Variants in SERPINB11 observed in about 807,000 individuals in gnomAD.
SERPINB11 encodes the protein serpin family B member 11.
Under a neutral mutation model 36.7 loss-of-function variants are expected in SERPINB11, and 32 were observed. The observed-to-expected ratio is 0.87, with a 90% CI of 0.66 to 1.17. The LOEUF is 1.17. Ranked by LOEUF, SERPINB11 falls within the 50% of genes most tolerant of loss-of-function variation. The probability of loss-of-function intolerance (pLI) is 0.00; values close to 1 mark genes in which losing one functional copy is unlikely to be tolerated. For synonymous variants in SERPINB11, 174 were observed against 168.1 expected, an observed-to-expected ratio of 1.04 and a Z score of -0.27; for missense variants, 528 against 458.4, an observed-to-expected ratio of 1.15 and a Z score of -1.39.
At chr18:63,722,508 A>C (rs1285798942) in intron 7 of SERPINB11, among the ~76,000 whole-genome samples, 2 of 152,214 alleles carry the variant, frequency 1.3e-5, no homozygotes, top group Non-Finnish European at 2.9e-5. Context: ...GTTCAGCTTC[A>C]GGAGCAGCTA....
chr18:63,707,306 T>C (rs1388986385), intron 1 of SERPINB11, among the ~76,000 whole-genome samples: 1 of 152,072 alleles, frequency 6.6e-6, no homozygotes, highest in East Asian at 1.9e-4. Context: ...GATTTAGAAA[T>C]TGATTATCAG....
In SERPINB11 at chr18:63,719,915, G is replaced by T. The variant is rs1177109381; in HGVS notation, c.476-98G>T. 61 of 960,002 alleles carry T rather than the reference G, an allele frequency of 6.4e-5. 1 individual carries two copies. In the South Asian group the frequency reaches 1.3e-3, roughly 20 times the overall value. The allele number at this position is 960,002 out of a possible 1,614,324, so 59.5% of individuals were successfully genotyped here. On this transcript the variant is annotated intron_variant, in intron 5 of 7. Transcript: ENST00000544088. The stretch of plus-strand genomic sequence containing the variant: ...TTCTGGTATCTCAAATTTACAATTA[G>T]TCTTAAAAAAGAAATGGCTCTAAAT...
chr18:63,703,597 A>G (rs931811176), intron 1 of SERPINB11, among the ~76,000 whole-genome samples: 1 of 152,230 alleles, frequency 6.6e-6, no homozygotes, highest in African/African-American at 2.4e-5. Flanking sequence ...GCAGAGAGTA[A>G]GAGTAAAAGA....
chr18:63,716,522 AATG>A lies in SERPINB11; in HGVS notation c.475+372_475+374del, dbSNP rs149919255. ...ATATACAAAGGTAAAGAGAATATAT[AATG>A]AACCCTATTTATCCATCACTCAATT... On this transcript the variant is annotated intron_variant, in intron 5 of 7. Transcript: ENST00000544088. Among the ~76,000 whole-genome samples the A allele has an allele frequency of 2.5e-3, 382 of 152,310 alleles. 4 individuals carry two copies. Among genetic ancestry groups the A allele is most frequent in the East Asian group, 0.016 (81 of 5,188 alleles).
At chr18:63,712,343 G>A (rs1357133428) in intron 3 of SERPINB11, among the ~76,000 whole-genome samples, 1 of 152,170 alleles carries the variant, frequency 6.6e-6, no homozygotes, top group African/African-American at 2.4e-5. Context: ...CATGTATTAT[G>A]CAGTAACTTA....
intron 5 of SERPINB11, 31 bp downstream of exon 5, chr18:63,716,183 T>G (rs1217489671): frequency 4.9e-6 from 7 of 1,424,098 alleles, no homozygotes; most frequent in African/African-American, 2.8e-5. Context: ...GTCTCTAAAC[T>G]CTGTGTTGTG....
rs1914880989 is a variant in SERPINB11, at chr18:63,723,450, T to A, written c.*51T>A. ...AGTTGCAGATGAGGTGCAGAGACAA[T>A]CCTGTGACTTTCCCACGGCCAAAAA... On this transcript the variant is annotated 3_prime_UTR_variant, in exon 8 of 8. Coordinates refer to ENST00000544088, the MANE Select transcript of SERPINB11 (RefSeq NM_001370475.1). 25 of 1,508,592 alleles carry A rather than the reference T, an allele frequency of 1.7e-5. 3 individuals carry two copies. In the South Asian group the frequency reaches 3.2e-4, roughly 19 times the overall value. The allele number at this position is 1,508,592 out of a possible 1,614,324, so 93.5% of individuals were successfully genotyped here. A position where few individuals can be genotyped will look rare whatever the true frequency, so the allele number is the denominator to read the frequency against.
At chr18:63,713,746 C>A (rs931167376) in intron 4 of SERPINB11, among the ~76,000 whole-genome samples, 1 of 152,100 alleles carries the variant, frequency 6.6e-6, no homozygotes, top group African/African-American at 2.4e-5. Context: ...AGCTGGTATG[C>A]CCGCTCTCTT....
chr18:63,702,900 A>G (rs1351210030), upstream of SERPINB11: 3 of 150,428 alleles, frequency 2.0e-5, no homozygotes, highest in East Asian at 5.9e-4. Context: ...TAAGGGCACA[A>G]ATGAAAAGGG....
intron 1 of SERPINB11, among the ~76,000 whole-genome samples, chr18:63,705,088 G>A (rs1305638664): frequency 1.3e-5 from 2 of 152,076 alleles, no homozygotes; most frequent in Non-Finnish European, 2.9e-5. Context: ...TCTTTGTTTT[G>A]TTTTGAGACA....
chr18:63,711,063 C>T (rs186975327), intron 2 of SERPINB11, among the ~76,000 whole-genome samples: 4 of 152,118 alleles, frequency 2.6e-5, no homozygotes, highest in Admixed American at 2.0e-4. Flanking sequence ...GTCCCTGGAA[C>T]CTGACAATGG....
At chr18:63,714,046 C>A (rs1288092773) in intron 4 of SERPINB11, among the ~76,000 whole-genome samples, 1 of 152,098 alleles carries the variant, frequency 6.6e-6, no homozygotes, top group African/African-American at 2.4e-5. Flanking sequence ...TTGGGGGAAC[C>A]CGCCCTGATA....
In SERPINB11 at chr18:63,710,048, G is replaced by T. The variant is rs1914475819; in HGVS notation, c.-15-131G>T. ...CATTTACTCATTTCTCAGAAATTGTGATAAGGGTATGTAGTTTTTCATGAA... is the reference window on the plus strand; with the variant it reads ...CATTTACTCATTTCTCAGAAATTGTTATAAGGGTATGTAGTTTTTCATGAA... On this transcript the variant is annotated intron_variant, in intron 1 of 7. Coordinates refer to ENST00000544088, the MANE Select transcript of SERPINB11 (RefSeq NM_001370475.1). The T allele has an allele frequency of 4.9e-5, 28 of 577,086 alleles. No homozygotes were observed. The South Asian group carries it at 1.0e-3, about 21-fold the overall frequency. The allele number at this position is 577,086 out of a possible 1,614,324, so 35.7% of individuals were successfully genotyped here. A position where few individuals can be genotyped will look rare whatever the true frequency, so the allele number is the denominator to read the frequency against.
intron 5 of SERPINB11, among the ~76,000 whole-genome samples, chr18:63,718,966 G>C (rs1914736521): frequency 6.6e-6 from 1 of 151,930 alleles, no homozygotes; most frequent in Non-Finnish European, 1.5e-5. Flanking sequence ...TCTGTATTGA[G>C]AGTCTGAGGC....
chr18:63,715,296 G>A (rs577620587), intron 4 of SERPINB11, among the ~76,000 whole-genome samples: 7 of 152,206 alleles, frequency 4.6e-5, no homozygotes, highest in Admixed American at 2.6e-4. Flanking sequence ...GAAAGACAAC[G>A]GAAAGTCTCC....
At chr18:63,712,800 A>C in intron 4 of SERPINB11, 107 bp downstream of exon 4, 1 of 1,234,288 alleles carries the variant, frequency 8.1e-7, no homozygotes. Flanking sequence ...TATCATTAAG[A>C]GATTGACTTT....
intron 3 of SERPINB11, among the ~76,000 whole-genome samples, chr18:63,712,268 C>T (rs551563087): frequency 1.3e-5 from 2 of 152,194 alleles, no homozygotes; most frequent in South Asian, 4.1e-4. Context: ...CCCTGAATAC[C>T]CCACTAGGAT....
chr18:63,711,577 A>G (rs78190310), intron 3 of SERPINB11, among the ~76,000 whole-genome samples, 183 bp downstream of exon 3: 1 of 152,178 alleles, frequency 6.6e-6, no homozygotes, highest in African/African-American at 2.4e-5. Flanking sequence ...GATAATAATA[A>G]CAATAGTAAA....
chr18:63,715,791 A>G (rs1914651678), intron 4 of SERPINB11, among the ~76,000 whole-genome samples: 1 of 152,236 alleles, frequency 6.6e-6, no homozygotes, highest in African/African-American at 2.4e-5. Context: ...AAACTAAGAA[A>G]GCCAATCATA....
Sources: allele counts gnomAD v4.1 joint callset (sites outside exome capture counted in the v4.1 genomes callset), GRCh38; gene constraint gnomAD v4.1.1; transcripts MANE v1.5; gene names NCBI Gene and HGNC (gene_info 2026-07-23, HGNC 2026-07-21).